ARHGAP24: variants seen among roughly 807,000 people sequenced by gnomAD.
ARHGAP24 encodes the protein rho GTPase-activating protein 24.
ARHGAP24 carries 50 observed loss-of-function variants against 76.4 expected under a neutral mutation model. The observed-to-expected ratio is 0.65, with a 90% CI of 0.52 to 0.83. ARHGAP24 has a LOEUF of 0.83. Ranked by LOEUF, ARHGAP24 falls within the 40% of genes least tolerant of loss-of-function variation. The pLI, the probability that ARHGAP24 is intolerant of heterozygous loss-of-function variation, is 0.00. For missense variants in ARHGAP24, 930 were observed against 914.2 expected (o/e 1.02, Z -0.22); for synonymous variants, 345 against 323.3 (o/e 1.07, Z -0.72).
chr4:85,626,615 G>T (rs1439725255), intron 2 of ARHGAP24, among the ~76,000 whole-genome samples: 7 of 152,168 alleles, frequency 4.6e-5, no homozygotes, highest in Non-Finnish European at 8.8e-5. Context: ...GAATCTGAAT[G>T]TTGGCCTGCC....
chr4:85,627,782 G>C (rs183621088), intron 2 of ARHGAP24, among the ~76,000 whole-genome samples: 1 of 152,216 alleles, frequency 6.6e-6, no homozygotes, highest in Non-Finnish European at 1.5e-5. Flanking sequence ...CATGGCAGGT[G>C]CCCTTTCCCC....
chr4:85,483,064 A>G (rs1243811580), intron 1 of ARHGAP24, among the ~76,000 whole-genome samples: 3 of 152,152 alleles, frequency 2.0e-5, no homozygotes, highest in South Asian at 2.1e-4. Flanking sequence ...CACCTACTTC[A>G]TAGTGTTAAT....
intron 3 of ARHGAP24, among the ~76,000 whole-genome samples, chr4:85,901,496 A>G (rs1734489825): frequency 2.0e-5 from 3 of 152,332 alleles, no homozygotes; most frequent in Middle Eastern, 3.4e-3. Context: ...TCAGAATTTT[A>G]CATGATATTT....
chr4:85,903,614 T>G (rs1354691820), intron 3 of ARHGAP24, among the ~76,000 whole-genome samples: 1 of 152,086 alleles, frequency 6.6e-6, no homozygotes, highest in Non-Finnish European at 1.5e-5. Flanking sequence ...TCTTTATATA[T>G]ATATAAAAAG....
chr4:85,701,523 G>A (rs1029914002), intron 2 of ARHGAP24, among the ~76,000 whole-genome samples: 8 of 151,838 alleles, frequency 5.3e-5, no homozygotes. Flanking sequence ...AAACTGTACC[G>A]TATGCATCTT....
At chr4:85,924,909 A>G (rs1735932628) in intron 4 of ARHGAP24, among the ~76,000 whole-genome samples, 1 of 152,216 alleles carries the variant, frequency 6.6e-6, no homozygotes. Context: ...AGAGAGGTTT[A>G]CAACTTTTGT....
chr4:85,615,273 A>G (rs997164343), intron 2 of ARHGAP24, among the ~76,000 whole-genome samples: 3 of 152,026 alleles, frequency 2.0e-5, no homozygotes, highest in African/African-American at 7.2e-5. Flanking sequence ...TCTTTCACCT[A>G]AGATTTATTA....
At chr4:85,786,410 A>AAGC (rs1727846037) in intron 3 of ARHGAP24, among the ~76,000 whole-genome samples, 2 of 152,200 alleles carry the variant, frequency 1.3e-5, no homozygotes, top group Non-Finnish European at 2.9e-5. Context: ...TTAGTAGGGG[A>AAGC]AGCCTTCCAC....
intron 3 of ARHGAP24, among the ~76,000 whole-genome samples, chr4:85,774,703 A>T (rs1348167611): frequency 6.6e-6 from 1 of 152,188 alleles, no homozygotes; most frequent in Non-Finnish European, 1.5e-5. Context: ...AGATACAACT[A>T]CTTAGGGCCC....
chr4:85,879,698 T>G (rs548319756), intron 3 of ARHGAP24, among the ~76,000 whole-genome samples: 49 of 152,050 alleles, frequency 3.2e-4, no homozygotes, highest in Non-Finnish European at 6.9e-4. Flanking sequence ...ATGTATTTAA[T>G]TAATTATGTA....
At chr4:85,832,041 G>T (rs1210928836) in intron 3 of ARHGAP24, among the ~76,000 whole-genome samples, 1 of 152,090 alleles carries the variant, frequency 6.6e-6, no homozygotes, top group Non-Finnish European at 1.5e-5. Flanking sequence ...GAGATAGTTT[G>T]TCACTCTCAA....
intron 2 of ARHGAP24, among the ~76,000 whole-genome samples, chr4:85,633,474 T>G (rs1197320499): frequency 6.6e-6 from 1 of 151,932 alleles, no homozygotes; most frequent in East Asian, 1.9e-4. Flanking sequence ...CTTTTAACTT[T>G]AGGCATCTGC....
At chr4:85,674,948 C>G (rs1457424237) in intron 2 of ARHGAP24, among the ~76,000 whole-genome samples, 2 of 152,308 alleles carry the variant, frequency 1.3e-5, no homozygotes, top group African/African-American at 4.8e-5. Context: ...TTGCACAGAT[C>G]TCGTCACAAG....
intron 3 of ARHGAP24, among the ~76,000 whole-genome samples, chr4:85,875,982 A>G (rs1429246999): frequency 6.6e-6 from 1 of 151,938 alleles, no homozygotes; most frequent in Non-Finnish European, 1.5e-5. Flanking sequence ...ACCTCAGGTG[A>G]TCCACCGGCC....
At chr4:85,664,334 A>G (rs576147586) in intron 2 of ARHGAP24, among the ~76,000 whole-genome samples, 1 of 150,858 alleles carries the variant, frequency 6.6e-6, no homozygotes, top group South Asian at 2.1e-4. Flanking sequence ...GATAGTTTGT[A>G]TTTCTTTGGG....
intron 3 of ARHGAP24, among the ~76,000 whole-genome samples, chr4:85,914,420 G>C (rs990297605): frequency 1.1e-4 from 16 of 152,284 alleles, no homozygotes; most frequent in Middle Eastern, 3.4e-3. Context: ...TGTGGAATGA[G>C]GTCCAAGAAT....
chr4:85,781,047 C>T (rs1312725074), intron 3 of ARHGAP24, among the ~76,000 whole-genome samples: 2 of 152,156 alleles, frequency 1.3e-5, no homozygotes, highest in African/African-American at 4.8e-5. Flanking sequence ...AGCTGGGAAA[C>T]AGCATAATAA....
intron 4 of ARHGAP24, among the ~76,000 whole-genome samples, chr4:85,937,633 T>A (rs771596398): frequency 6.6e-6 from 1 of 152,072 alleles, no homozygotes; most frequent in African/African-American, 2.4e-5. Flanking sequence ...GACAAGGGCA[T>A]TGAGAGGCAA....
intron 2 of ARHGAP24, among the ~76,000 whole-genome samples, chr4:85,610,857 A>G (rs1341357833): frequency 6.6e-6 from 1 of 152,078 alleles, no homozygotes; most frequent in Non-Finnish European, 1.5e-5. Context: ...TAGGCTGCAT[A>G]TTGAAGTAAG....
Sources: allele counts gnomAD v4.1 joint callset (sites outside exome capture counted in the v4.1 genomes callset), GRCh38; gene constraint gnomAD v4.1.1; transcripts MANE v1.5; gene names NCBI Gene and HGNC (gene_info 2026-07-23, HGNC 2026-07-21).